Variants in PIAS1 observed in about 807,000 individuals in gnomAD.
The protein encoded by PIAS1 is protein inhibitor of activated STAT 1.
Under a neutral mutation model 71.3 loss-of-function variants are expected in PIAS1, and 6 were observed. The ratio of observed to expected loss-of-function variants is 0.08; its 90% CI spans 0.05 to 0.17. The LOEUF (loss-of-function observed/expected upper bound fraction) is 0.17, where lower values mean the gene tolerates loss of function less well. PIAS1 is among the 10% of genes least tolerant of loss of function. The pLI is 1.00. For missense variants in PIAS1, 555 were observed against 793.6 expected, an observed-to-expected ratio of 0.70 and a Z score of 3.61; for synonymous variants, 303 against 292.9, an observed-to-expected ratio of 1.03 and a Z score of -0.35.
chr15:68,173,645 C>T lies in PIAS1; in HGVS notation c.1009-87C>T. The T allele has an allele frequency of 1.2e-6, 1 of 828,842 alleles. No individual in the cohort carries two copies. The highest frequency in any genetic ancestry group is 1.8e-6 in the Non-Finnish European group (1 of 562,056). The allele number at this position is 828,842 out of a possible 1,614,324, so 51.3% of individuals were successfully genotyped here. The stretch of plus-strand genomic sequence containing the variant: ...CACTGTATGCTTTAAATCAGCATGC[C>T]TACCTGTTGTGTTCTAGGAAATTTT... On this transcript the variant is annotated intron_variant, in intron 8 of 13. Coordinates refer to ENST00000249636, the MANE Select transcript of PIAS1 (RefSeq NM_016166.3). This position sits in a 1 kb window ranked among gnomAD's most constrained non-coding sequence, Gnocchi z 4.3.
chr15:68,106,541 A>G (rs1231877564), intron 2 of PIAS1, among the ~76,000 whole-genome samples: 1 of 152,224 alleles, frequency 6.6e-6, no homozygotes, highest in Non-Finnish European at 1.5e-5. Flanking sequence ...GCCAAATTCT[A>G]ATAGACACTT....
At chr15:68,151,337 C>A (rs1009858861) in intron 6 of PIAS1, among the ~76,000 whole-genome samples, 1 of 152,040 alleles carries the variant, frequency 6.6e-6, no homozygotes, top group Non-Finnish European at 1.5e-5. Context: ...TACCTTTTCA[C>A]TGAACTTGTT....
intron 4 of PIAS1, among the ~76,000 whole-genome samples, chr15:68,143,366 C>G (rs2141049396): frequency 6.6e-6 from 1 of 152,206 alleles, no homozygotes; most frequent in South Asian, 2.1e-4. Context: ...GTGAAAACCT[C>G]TCATCTAAGC....
At chr15:68,070,304 A>G (rs1290432916) in intron 1 of PIAS1, among the ~76,000 whole-genome samples, 2 of 152,236 alleles carry the variant, frequency 1.3e-5, no homozygotes, top group South Asian at 4.1e-4. Context: ...GACAACATCA[A>G]TGAATTAGAG....
At chr15:68,161,487 G>T (rs2092923916) in intron 7 of PIAS1, among the ~76,000 whole-genome samples, 2 of 148,662 alleles carry the variant, frequency 1.3e-5, no homozygotes, top group Admixed American at 1.3e-4. Context: ...AGAAGGCATA[G>T]GTTTTTTTTT....
At chr15:68,072,714 AATTTTGT>A in intron 1 of PIAS1, among the ~76,000 whole-genome samples, 1 of 152,242 alleles carries the variant, frequency 6.6e-6, no homozygotes, top group African/African-American at 2.4e-5. Context: ...TTGTAGTGTC[AATTTTGT>A]ATTCATAAAA....
intron 1 of PIAS1, among the ~76,000 whole-genome samples, chr15:68,075,122 T>G (rs1440613784): frequency 6.8e-6 from 1 of 147,840 alleles, no homozygotes; most frequent in Non-Finnish European, 1.5e-5. Context: ...AGTCTCTCTT[T>G]TGCCCAGGCT....
In PIAS1 at chr15:68,188,389, CCT is replaced by C. The variant is rs1014050968; in HGVS notation, c.*555_*556del. ...AAAGCTCATCTGTCCCGCTGCATTCCCTGTGTATTTTCAGGACATGGCTCGTG... is the reference window on the plus strand; with the variant it reads ...AAAGCTCATCTGTCCCGCTGCATTCCGTGTATTTTCAGGACATGGCTCGTG... On this transcript the variant is annotated 3_prime_UTR_variant, in exon 14 of 14. Transcript: ENST00000249636. 1 of 153,528 alleles carries C rather than the reference CCT, an allele frequency of 6.5e-6. No individual in the cohort carries two copies. 9.5% of individuals were successfully genotyped at this position (153,528 alleles called of 1,614,324 possible).
chr15:68,105,609 A>G (rs1467810961), intron 2 of PIAS1, among the ~76,000 whole-genome samples: 2 of 152,096 alleles, frequency 1.3e-5, no homozygotes, highest in East Asian at 1.9e-4. Flanking sequence ...CCAATCTAGC[A>G]TTTCACCTCT....
chr15:68,149,497 A>G (rs1213928665), intron 6 of PIAS1, among the ~76,000 whole-genome samples: 2 of 152,132 alleles, frequency 1.3e-5, no homozygotes, highest in Admixed American at 6.6e-5. Flanking sequence ...AATATTTAAT[A>G]TAACCATTCT....
chr15:68,163,373 C>T (rs1345503125), intron 7 of PIAS1, among the ~76,000 whole-genome samples: 1 of 152,084 alleles, frequency 6.6e-6, no homozygotes, highest in South Asian at 2.1e-4. Flanking sequence ...AGGAGACAGC[C>T]TGTGAAATAT....
intron 7 of PIAS1, among the ~76,000 whole-genome samples, chr15:68,161,329 GCT>G (rs1471422435): frequency 6.6e-6 from 1 of 152,166 alleles, no homozygotes; most frequent in Admixed American, 6.5e-5. Flanking sequence ...GATATATCTT[GCT>G]AAGAGATTGA....
chr15:68,151,167 T>A (rs1299540321), intron 6 of PIAS1, among the ~76,000 whole-genome samples: 1 of 152,126 alleles, frequency 6.6e-6, no homozygotes, highest in African/African-American at 2.4e-5. Flanking sequence ...CTGTCACTAT[T>A]AAGCTTTGGT....
chr15:68,150,912 G>A (rs1029160632), intron 6 of PIAS1, among the ~76,000 whole-genome samples: 10 of 152,032 alleles, frequency 6.6e-5, no homozygotes, highest in African/African-American at 2.2e-4. Context: ...ATAGTCCCAA[G>A]CATTTCGGAT....
At chr15:68,055,255 C>T (rs1242574521) in intron 1 of PIAS1, 5 of 973,276 alleles carry the variant, frequency 5.1e-6, no homozygotes, top group Non-Finnish European at 6.1e-6. Flanking sequence ...GTTTATATCC[C>T]CCCATTGCCT....
intron 2 of PIAS1, among the ~76,000 whole-genome samples, chr15:68,139,076 T>G (rs77470396): frequency 6.6e-6 from 1 of 152,188 alleles, no homozygotes; most frequent in African/African-American, 2.4e-5. Flanking sequence ...ATGTTACTCA[T>G]TTACATTCTT....
intron 8 of PIAS1, among the ~76,000 whole-genome samples, chr15:68,172,238 T>G (rs906178930): frequency 1.3e-5 from 2 of 152,238 alleles, no homozygotes; most frequent in Non-Finnish European, 2.9e-5. Context: ...GCAAAGGACA[T>G]GAACTCATCC....
chr15:68,181,459 A>G lies in PIAS1; in HGVS notation c.1624+105A>G, dbSNP rs1255720633. On this transcript the variant is annotated intron_variant, in intron 12 of 13. Coordinates refer to ENST00000249636, the MANE Select transcript of PIAS1 (RefSeq NM_016166.3). Reference sequence around the variant, plus strand: ...AAGGAAGAACTGGAAGACTGAGCCAACAGGGCCTTGGACCCAGGGAACTGA... The same window carrying G: ...AAGGAAGAACTGGAAGACTGAGCCAGCAGGGCCTTGGACCCAGGGAACTGA... The G allele has an allele frequency of 3.0e-5, 33 of 1,118,568 alleles. 1 individual carries two copies. The highest frequency in any genetic ancestry group is 4.3e-5 in the Non-Finnish European group (33 of 767,578). The allele number at this position is 1,118,568 out of a possible 1,614,324, so 69.3% of individuals were successfully genotyped here.
intron 5 of PIAS1, among the ~76,000 whole-genome samples, 152 bp from the exon 6 acceptor site, chr15:68,146,414 C>T (rs1406411855): frequency 6.6e-6 from 1 of 152,096 alleles, no homozygotes; most frequent in African/African-American, 2.4e-5. Context: ...AAAATAATAA[C>T]ACAAGAAACT....
Sources: gnomAD v4.1 joint callset for allele counts (sites outside exome capture counted in the v4.1 genomes callset) on GRCh38, gnomAD v4.1.1 for gene constraint, Gnocchi (gnomAD v3.1) non-coding constraint, MANE v1.5 for transcripts, NCBI Gene and HGNC (gene_info 2026-07-23, HGNC 2026-07-21) for gene names.